Variants in CCSER1 observed in about 807,000 individuals in gnomAD.
The protein encoded by CCSER1 is serine-rich coiled-coil domain-containing protein 1.
In CCSER1, 41 loss-of-function variants were observed where a neutral mutation model predicts 82.0. That is an observed-to-expected ratio of 0.50 (90% CI 0.39 to 0.65). The LOEUF (loss-of-function observed/expected upper bound fraction) is 0.65. CCSER1 is among the 30% of genes least tolerant of loss of function. CCSER1 has a pLI of 0.00. For synonymous variants in CCSER1, 414 were observed against 383.9 expected (o/e 1.08, Z -0.92); for missense variants, 1,119 against 1,064.2 (o/e 1.05, Z -0.72).
At chr4:91,260,982 C>G (rs1741082433) in intron 10 of CCSER1, among the ~76,000 whole-genome samples, 1 of 152,112 alleles carries the variant, frequency 6.6e-6, no homozygotes, top group East Asian at 1.9e-4. Context: ...CCATGATGGT[C>G]TCGATCTCCT....
chr4:90,562,046 C>T (rs566236147), intron 5 of CCSER1, among the ~76,000 whole-genome samples: 18 of 151,860 alleles, frequency 1.2e-4, no homozygotes, highest in African/African-American at 2.9e-4. Flanking sequence ...AAATGTTAGC[C>T]GGGCATAGTG....
At chr4:90,934,177 G>C (rs1730633984) in intron 9 of CCSER1, among the ~76,000 whole-genome samples, 1 of 151,916 alleles carries the variant, frequency 6.6e-6, no homozygotes, top group South Asian at 2.1e-4. Flanking sequence ...ATTATCAAAT[G>C]AGTTACAGTA....
chr4:91,389,345 T>A (rs1751510658), intron 10 of CCSER1, among the ~76,000 whole-genome samples: 1 of 152,078 alleles, frequency 6.6e-6, no homozygotes, highest in South Asian at 2.1e-4. Context: ...CTTTGTTCCA[T>A]TGTATTGCCA....
intron 10 of CCSER1, among the ~76,000 whole-genome samples, chr4:91,378,122 T>A (rs566215545): frequency 1.3e-5 from 2 of 152,332 alleles, no homozygotes; most frequent in African/African-American, 4.8e-5. Context: ...TCTGTTGTGG[T>A]ACCAGTGCCA....
intron 9 of CCSER1, among the ~76,000 whole-genome samples, chr4:90,932,075 C>T (rs1729889351): frequency 6.6e-6 from 1 of 152,040 alleles, no homozygotes; most frequent in South Asian, 2.1e-4. Flanking sequence ...TAAAAGAAAG[C>T]CACATGTATC....
At chr4:90,287,301 A>G (rs1416127779) in intron 1 of CCSER1, among the ~76,000 whole-genome samples, 1 of 152,004 alleles carries the variant, frequency 6.6e-6, no homozygotes, top group African/African-American at 2.4e-5. Flanking sequence ...CTTTATAGTG[A>G]TATAGTAAAT....
At chr4:90,573,005 G>A (rs371340274) in intron 5 of CCSER1, among the ~76,000 whole-genome samples, 1 of 152,346 alleles carries the variant, frequency 6.6e-6, no homozygotes, top group East Asian at 1.9e-4. Flanking sequence ...TGGCACTAGG[G>A]TGCATTAGAA....
chr4:91,515,725 G>A (rs1388944364), intron 10 of CCSER1, among the ~76,000 whole-genome samples: 1 of 152,058 alleles, frequency 6.6e-6, no homozygotes, highest in African/African-American at 2.4e-5. Context: ...CCCACTAATG[G>A]GATTGTTGGG....
chr4:91,041,250 A>G (rs1741931441), intron 9 of CCSER1, among the ~76,000 whole-genome samples: 1 of 152,136 alleles, frequency 6.6e-6, no homozygotes, highest in Admixed American at 6.6e-5. Flanking sequence ...GAAGGTTTTT[A>G]CACATATCAT....
chr4:91,089,952 T>C (rs1273132021), intron 10 of CCSER1, among the ~76,000 whole-genome samples: 1 of 152,218 alleles, frequency 6.6e-6, no homozygotes, highest in African/African-American at 2.4e-5. Flanking sequence ...TTTTGGTAGA[T>C]AGTATTCCTT....
intron 9 of CCSER1, among the ~76,000 whole-genome samples, chr4:91,079,519 G>T (rs994829560): frequency 3.3e-5 from 5 of 152,158 alleles, no homozygotes; most frequent in Admixed American, 6.5e-5. Context: ...CAACTAATGA[G>T]CAAAATAACC....
chr4:90,133,268 A>C (rs1031814636), intron 1 of CCSER1, among the ~76,000 whole-genome samples: 4 of 152,168 alleles, frequency 2.6e-5, no homozygotes, highest in Non-Finnish European at 4.4e-5. Context: ...CCAAATTTTT[A>C]ATGAGTTCCC....
At chr4:91,112,025 G>A (rs1193833676) in intron 10 of CCSER1, among the ~76,000 whole-genome samples, 2 of 152,000 alleles carry the variant, frequency 1.3e-5, no homozygotes, top group Non-Finnish European at 2.9e-5. Context: ...CTTATTTCAT[G>A]TAACTGTGGG....
chr4:90,577,433 T>C (rs1780891374), intron 5 of CCSER1, among the ~76,000 whole-genome samples: 1 of 152,140 alleles, frequency 6.6e-6, no homozygotes, highest in South Asian at 2.1e-4. Flanking sequence ...TTTGTTTTGC[T>C]TTTTGCCACA....
intron 10 of CCSER1, among the ~76,000 whole-genome samples, chr4:91,441,813 C>G (rs1409575917): frequency 1.3e-5 from 2 of 149,968 alleles, no homozygotes; most frequent in East Asian, 2.0e-4. Context: ...CACAAGCATT[C>G]TTATACACCA....
At chr4:91,315,868 T>C (rs890438018) in intron 10 of CCSER1, among the ~76,000 whole-genome samples, 2 of 151,918 alleles carry the variant, frequency 1.3e-5, no homozygotes, top group African/African-American at 4.8e-5. Flanking sequence ...CTCTGTGAAA[T>C]TAGTATCATA....
intron 10 of CCSER1, among the ~76,000 whole-genome samples, chr4:91,142,552 A>C (rs1433763469): frequency 2.0e-5 from 3 of 152,160 alleles, no homozygotes; most frequent in Non-Finnish European, 4.4e-5. Context: ...CTGATGTCCA[A>C]CATGGTGTTT....
At chr4:90,818,881 AAAAC>A (rs1158224798) in intron 8 of CCSER1, among the ~76,000 whole-genome samples, 1 of 152,180 alleles carries the variant, frequency 6.6e-6, no homozygotes, top group Non-Finnish European at 1.5e-5. Flanking sequence ...ACCCAGGAAA[AAAAC>A]AAAAAACTCC....
chr4:91,052,900 A>G (rs544265558), intron 9 of CCSER1, among the ~76,000 whole-genome samples: 1 of 152,276 alleles, frequency 6.6e-6, no homozygotes, highest in East Asian at 1.9e-4. Flanking sequence ...TATGAAGCTT[A>G]ATAAGATAAG....
Sources: gnomAD v4.1 joint callset for allele counts (sites outside exome capture counted in the v4.1 genomes callset) on GRCh38, gnomAD v4.1.1 for gene constraint, MANE v1.5 for transcripts, NCBI Gene and HGNC (gene_info 2026-07-23, HGNC 2026-07-21) for gene names.